TEX2: variants seen among roughly 807,000 people sequenced by gnomAD.
TEX2 encodes testis-expressed protein 2.
In TEX2, 53 loss-of-function variants were observed where a neutral mutation model predicts 106.9. The observed-to-expected ratio is 0.50, with a 90% CI of 0.40 to 0.62. The LOEUF is 0.62. TEX2 is among the 20% of genes least tolerant of loss of function. The pLI, the probability that TEX2 is intolerant of heterozygous loss-of-function variation, is 0.00. For synonymous variants in TEX2, 523 were observed against 534.8 expected, an observed-to-expected ratio of 0.98 and a Z score of 0.30; for missense variants, 1,207 against 1,379.0, an observed-to-expected ratio of 0.88 and a Z score of 1.98.
At chr17:64,261,620 T>C (rs1287736252) in intron 1 of TEX2, among the ~76,000 whole-genome samples, 1 of 152,164 alleles carries the variant, frequency 6.6e-6, no homozygotes, top group Non-Finnish European at 1.5e-5. Flanking sequence ...CTCCTTCCTC[T>C]CAGGCACAGT....
chr17:64,240,994 G>A (rs1006645406), intron 1 of TEX2, among the ~76,000 whole-genome samples: 8 of 152,196 alleles, frequency 5.3e-5, no homozygotes, highest in Non-Finnish European at 1.0e-4. Context: ...TTGTGACTCA[G>A]TGCTTAAAAT....
chr17:64,243,649 C>G (rs1555635978), intron 1 of TEX2, among the ~76,000 whole-genome samples: 1 of 152,194 alleles, frequency 6.6e-6, no homozygotes, highest in Non-Finnish European at 1.5e-5. Flanking sequence ...AGCAAACTTT[C>G]TCTTCAAAAC....
chr17:64,187,550 A>G (rs1320745554), intron 5 of TEX2, among the ~76,000 whole-genome samples: 1 of 151,924 alleles, frequency 6.6e-6, no homozygotes, highest in Non-Finnish European at 1.5e-5. Flanking sequence ...CCAGTTCTCC[A>G]CCAAGAGCCA....
chr17:64,202,237 T>C (rs2032691891), intron 2 of TEX2, among the ~76,000 whole-genome samples: 1 of 152,106 alleles, frequency 6.6e-6, no homozygotes, highest in Admixed American at 6.5e-5. Context: ...TATCTAAGGC[T>C]CTTTCCAGAA....
intron 4 of TEX2, among the ~76,000 whole-genome samples, chr17:64,188,660 C>CA (rs1258350942): frequency 6.6e-6 from 1 of 151,742 alleles, no homozygotes; most frequent in Non-Finnish European, 1.5e-5. Context: ...ACTAAAAATA[C>CA]AAAAAATTAG....
At chr17:64,151,242 T>C (rs2030339333) in intron 10 of TEX2, among the ~76,000 whole-genome samples, 1 of 152,224 alleles carries the variant, frequency 6.6e-6, no homozygotes, top group East Asian at 1.9e-4. Flanking sequence ...CATTGGTTTC[T>C]GTTTTTTTCT....
Position 64,217,043 on chromosome 17 carries a change from G to A in TEX2, c.-25-2801C>T, listed in dbSNP as rs2033208007. ...CTAAAATAAGCCACACGAGGCCGGA[G>A]CATCACTACTGCTCTTTAAATACAA... On this transcript the variant is annotated intron_variant, in intron 1 of 11. Coordinates refer to ENST00000584379, the MANE Select transcript of TEX2 (RefSeq NM_001288732.2). The surrounding 1 kb of genome is among the most constrained non-coding windows in gnomAD (Gnocchi z 4.3). 6.6e-6 allele frequency among the ~76,000 whole-genome samples: 1 copy of A among 152,206 alleles called. No homozygotes were observed. Among genetic ancestry groups the A allele is most frequent in the South Asian group, 2.1e-4 (1 of 4,824 alleles).
At chr17:64,191,864 TA>T (rs2032316245) in intron 4 of TEX2, among the ~76,000 whole-genome samples, 1 of 146,414 alleles carries the variant, frequency 6.8e-6, no homozygotes, top group East Asian at 2.0e-4. Context: ...AAAAGAAAGG[TA>T]AAAAGAATAC....
chr17:64,205,953 T>C lies in TEX2; in HGVS notation c.1644+6621A>G, dbSNP rs1411817805. 6.6e-6 allele frequency among the ~76,000 whole-genome samples: 1 copy of C among 152,194 alleles called. No homozygotes were observed. Among genetic ancestry groups the C allele is most frequent in the Admixed American group, 6.5e-5 (1 of 15,280 alleles). On this transcript the variant is annotated intron_variant, in intron 2 of 11. Transcript: ENST00000584379. This position sits in a 1 kb window ranked among gnomAD's most constrained non-coding sequence, Gnocchi z 4.0. ...ATTTGCTCGTGAATATAATTCAAAA[T>C]TGCATCTGAGTCATATACTCAAACA... is the stretch of plus-strand genomic sequence containing the variant.
At chr17:64,191,113 T>G (rs1252639678) in intron 4 of TEX2, among the ~76,000 whole-genome samples, 1 of 152,166 alleles carries the variant, frequency 6.6e-6, no homozygotes, top group African/African-American at 2.4e-5. Flanking sequence ...CATAAATATC[T>G]CAATTCATAG....
intron 11 of TEX2, chr17:64,150,284 A>T (rs998579): frequency 0.073 from 11,167 of 152,362 alleles, 582 homozygotes; most frequent in Non-Finnish European, 0.11. Flanking sequence ...GGCCAAATGC[A>T]GAAAGAAAAG....
At chr17:64,181,350 C>T (rs1469584371) in intron 5 of TEX2, among the ~76,000 whole-genome samples, 1 of 151,684 alleles carries the variant, frequency 6.6e-6, no homozygotes, top group Non-Finnish European at 1.5e-5. Context: ...GTGGTGCGTG[C>T]CTATAGTCCC....
intron 4 of TEX2, among the ~76,000 whole-genome samples, chr17:64,191,490 A>C (rs1399320985): frequency 6.6e-6 from 1 of 152,192 alleles, no homozygotes; most frequent in Non-Finnish European, 1.5e-5. Context: ...AGCCACATAA[A>C]CAATTTTAAA....
chr17:64,220,361 C>A (rs1396318550), intron 1 of TEX2, among the ~76,000 whole-genome samples: 1 of 152,160 alleles, frequency 6.6e-6, no homozygotes, highest in Non-Finnish European at 1.5e-5. Context: ...CAAATGGAAT[C>A]TCATTAAACT....
chr17:64,154,882 G>T lies in TEX2; in HGVS notation c.2890C>A (p.Pro964Thr), dbSNP rs768480907. Residue 964 changes from proline to threonine, a missense_variant, in exon 9 of 12, where the codon CCC becomes ACC. Coordinates refer to ENST00000584379, the MANE Select transcript of TEX2 (RefSeq NM_001288732.2). Reference protein sequence around the residue: ...GSSEEDDAPEPSGGDKQLLPG... With the variant: ...GSSEEDDAPETSGGDKQLLPG... The stretch of plus-strand genomic sequence containing the variant: ...AGGAGCTGTTTGTCTCCCCCGCTGG[G>T]CTCTGGGGCATCGTCTTCCTCGGAG... 6.2e-7 allele frequency: 1 copy of T among 1,608,858 alleles called. No homozygotes were observed. The highest frequency in any genetic ancestry group is 8.5e-7 in the Non-Finnish European group (1 of 1,178,218).
chr17:64,190,658 A>G (rs1173607763), intron 4 of TEX2, among the ~76,000 whole-genome samples: 1 of 152,182 alleles, frequency 6.6e-6, no homozygotes. Context: ...CAGAGACCAT[A>G]CTGGAATTCT....
chr17:64,173,594 C>T (rs1169449331), intron 6 of TEX2, among the ~76,000 whole-genome samples: 3 of 152,230 alleles, frequency 2.0e-5, no homozygotes, highest in East Asian at 1.9e-4. Flanking sequence ...AGACAGTGTT[C>T]AAAGGCATAG....
Position 64,167,227 on chromosome 17 carries a change from A to G in TEX2, c.2671+3873T>C, listed in dbSNP as rs150351278. On this transcript the variant is annotated intron_variant, in intron 7 of 11. Transcript: ENST00000584379. ...GTGCGATTTCATTCAGAAGAACCAC[A>G]GACTTGACTTCTTACAGCAGCAAGG... Among the ~76,000 whole-genome samples, 543 of 152,330 alleles carry G rather than the reference A, an allele frequency of 3.6e-3. 5 individuals carry two copies. Among genetic ancestry groups the G allele is most frequent in the African/African-American group, 0.012 (517 of 41,572 alleles).
intron 1 of TEX2, among the ~76,000 whole-genome samples, chr17:64,228,752 T>C (rs2033579488): frequency 1.3e-5 from 2 of 152,358 alleles, no homozygotes; most frequent in South Asian, 4.1e-4. Flanking sequence ...GTTTAGAACG[T>C]ATCTTTCCAG....
Sources: allele counts gnomAD v4.1 joint callset (sites outside exome capture counted in the v4.1 genomes callset), GRCh38; gene constraint gnomAD v4.1.1; non-coding constraint Gnocchi (gnomAD v3.1); transcripts MANE v1.5; gene names NCBI Gene and HGNC (gene_info 2026-07-23, HGNC 2026-07-21).